The following CCDC191 variants were observed in gnomAD, a reference collection of about 807,000 sequenced individuals.
The protein encoded by CCDC191 is coiled-coil domain-containing protein 191.
In CCDC191, 99 loss-of-function variants were observed where a neutral mutation model predicts 114.0. That is an observed-to-expected ratio of 0.87 (90% CI 0.74 to 1.03). The LOEUF (loss-of-function observed/expected upper bound fraction) is 1.03, where lower values mean the gene tolerates loss of function less well. CCDC191 is among the 50% of genes least tolerant of loss of function. The pLI is 0.00. For synonymous variants in CCDC191, 351 were observed against 376.0 expected, an observed-to-expected ratio of 0.93 and a Z score of 0.77; for missense variants, 973 against 1,087.0, an observed-to-expected ratio of 0.90 and a Z score of 1.47.
At chr3:114,008,380 G>A (rs528466197) in intron 9 of CCDC191, among the ~76,000 whole-genome samples, 64 of 151,962 alleles carry the variant, frequency 4.2e-4, no homozygotes, top group African/African-American at 1.5e-3. Context: ...CCCTTGCTCA[G>A]AGAATAAGCT....
chr3:114,029,584 A>G (rs2076375534), intron 7 of CCDC191, among the ~76,000 whole-genome samples: 1 of 152,170 alleles, frequency 6.6e-6, no homozygotes, highest in Non-Finnish European at 1.5e-5. Flanking sequence ...GAGAAACAAA[A>G]TATTTTCATA....
At chr3:114,054,523 G>C (rs2076739704) in intron 1 of CCDC191, among the ~76,000 whole-genome samples, 1 of 152,150 alleles carries the variant, frequency 6.6e-6, no homozygotes, top group Admixed American at 6.5e-5. Flanking sequence ...TGTAGTCCCA[G>C]CTACTCAGGA....
At chr3:113,987,055 G>C (rs1199575699) in intron 13 of CCDC191, among the ~76,000 whole-genome samples, 1 of 150,258 alleles carries the variant, frequency 6.7e-6, no homozygotes, top group Non-Finnish European at 1.5e-5. Flanking sequence ...AGAAAGGTAA[G>C]AATTACAGTA....
intron 16 of CCDC191, among the ~76,000 whole-genome samples, chr3:113,976,249 A>G (rs1050058408): frequency 6.6e-6 from 1 of 151,856 alleles, no homozygotes; most frequent in Non-Finnish European, 1.5e-5. Context: ...ACAGAGTAAG[A>G]CTTTGTCTCA....
chr3:114,001,464 A>C, intron 13 of CCDC191, 131 bp downstream of exon 13: 2 of 1,289,260 alleles, frequency 1.6e-6, no homozygotes, highest in African/African-American at 3.0e-5. Context: ...TAAGTAAGAT[A>C]GAGAAAAGAA....
At chr3:113,991,255 CAAA>C (rs1317725206) in intron 13 of CCDC191, among the ~76,000 whole-genome samples, 7 of 130,876 alleles carry the variant, frequency 5.3e-5, no homozygotes, top group Non-Finnish European at 8.3e-5. Flanking sequence ...GAAAAACAAA[CAAA>C]CCCCCCCCCC....
chr3:113,995,037 G>A (rs1052469280), intron 13 of CCDC191, among the ~76,000 whole-genome samples: 2 of 152,196 alleles, frequency 1.3e-5, no homozygotes, highest in Non-Finnish European at 1.5e-5. Flanking sequence ...AAAAAGGACC[G>A]AGCTTTTGAC....
At position 114,024,628 on chromosome 3, in the gene CCDC191, C is replaced by T. The variant is rs184288409; in HGVS notation, c.973-5760G>A. Among the ~76,000 whole-genome samples, 48 of 151,612 alleles carry T rather than the reference C, an allele frequency of 3.2e-4. No homozygotes were observed. In the East Asian group the frequency reaches 9.3e-3, roughly 29 times the overall value. ...AAAAACCAAACACCGCATGTTCTCA[C>T]TCATAGATGGGAACTGAACAATGAG... On this transcript the variant is annotated intron_variant, in intron 7 of 16. Transcript: ENST00000295878.
At chr3:113,966,986 C>G (rs1260907832) in intron 16 of CCDC191, among the ~76,000 whole-genome samples, 1 of 152,002 alleles carries the variant, frequency 6.6e-6, no homozygotes, top group Non-Finnish European at 1.5e-5. Context: ...GTAATCCCAG[C>G]TACTTGGGAG....
At chr3:114,045,040 G>A (rs2076610582) in intron 3 of CCDC191, among the ~76,000 whole-genome samples, 2 of 152,124 alleles carry the variant, frequency 1.3e-5, no homozygotes, top group African/African-American at 4.8e-5. Flanking sequence ...AGTTTCTCAG[G>A]ATAATATACA....
At chr3:113,995,198 G>A (rs550444759) in intron 13 of CCDC191, among the ~76,000 whole-genome samples, 2 of 152,210 alleles carry the variant, frequency 1.3e-5, no homozygotes, top group South Asian at 4.1e-4. Flanking sequence ...GCTGGCGGAT[G>A]TCCCACTGGG....
Position 113,998,237 on chromosome 3 carries a change from C to G in CCDC191, c.2163+3358G>C, listed in dbSNP as rs1416123072. Among the ~76,000 whole-genome samples the G allele has an allele frequency of 4.4e-5, 6 of 137,620 alleles. No homozygotes were observed. The Admixed American group carries it at 4.9e-4, about 11-fold the overall frequency. 90.3% of individuals were successfully genotyped at this position (137,620 alleles called of 152,430 possible). Reference sequence around the variant, plus strand: ...AGGAGAATCACTTGAACCCGGGAGGCGGAAGTTGCAGTGAGCCGAGATCGC... The same window carrying G: ...AGGAGAATCACTTGAACCCGGGAGGGGGAAGTTGCAGTGAGCCGAGATCGC... On this transcript the variant is annotated intron_variant, in intron 13 of 16. Coordinates refer to ENST00000295878, the MANE Select transcript of CCDC191 (RefSeq NM_020817.2).
chr3:114,005,205 T>C (rs2075929426), intron 10 of CCDC191, among the ~76,000 whole-genome samples: 1 of 152,196 alleles, frequency 6.6e-6, no homozygotes, highest in Non-Finnish European at 1.5e-5. Flanking sequence ...TTCTCAGCAC[T>C]TAACATAGCT....
At chr3:114,046,379 G>T (rs975327019) in intron 3 of CCDC191, among the ~76,000 whole-genome samples, 1 of 152,124 alleles carries the variant, frequency 6.6e-6, no homozygotes, top group Admixed American at 6.5e-5. Flanking sequence ...ACTACCTCTG[G>T]ATGTGGTTCT....
chr3:114,035,960 C>T (rs140650225), intron 5 of CCDC191, among the ~76,000 whole-genome samples: 106 of 152,238 alleles, frequency 7.0e-4, no homozygotes, highest in African/African-American at 2.3e-3. Context: ...TTTTCAAATT[C>T]GGCAATCAGA....
At position 113,999,436 on chromosome 3, in the gene CCDC191, C is replaced by T. The variant is rs985503077; in HGVS notation, c.2163+2159G>A. ...AAGGGGAAACTGAACTACTACTCTA[C>T]ATGAAGGTAAGGAAGAATACATTTG... is the stretch of plus-strand genomic sequence containing the variant. On this transcript the variant is annotated intron_variant, in intron 13 of 16. Coordinates refer to ENST00000295878, the MANE Select transcript of CCDC191 (RefSeq NM_020817.2). 5.7e-4 allele frequency among the ~76,000 whole-genome samples: 87 copies of T among 152,282 alleles called. 1 individual carries two copies. The highest frequency in any genetic ancestry group is 2.0e-3 in the African/African-American group (84 of 41,550).
intron 7 of CCDC191, 34 bp from the exon 8 acceptor site, chr3:114,018,902 T>C (rs542484982): frequency 1.9e-6 from 3 of 1,597,260 alleles, no homozygotes; most frequent in African/African-American, 2.7e-5. Context: ...TCACCACCCA[T>C]CAGCGCTAGT....
chr3:113,985,359 G>T (rs1048510883), intron 13 of CCDC191, among the ~76,000 whole-genome samples: 1 of 152,160 alleles, frequency 6.6e-6, no homozygotes, highest in Non-Finnish European at 1.5e-5. Context: ...GGATTCAGGG[G>T]ATTCTGCCCA....
chr3:114,014,817 T>C (rs1018089329), intron 8 of CCDC191, among the ~76,000 whole-genome samples: 1 of 152,164 alleles, frequency 6.6e-6, no homozygotes, highest in African/African-American at 2.4e-5. Flanking sequence ...GTATTTATCT[T>C]ATGGTGTCTT....
Sources: allele counts gnomAD v4.1 joint callset (sites outside exome capture counted in the v4.1 genomes callset), GRCh38; gene constraint gnomAD v4.1.1; transcripts MANE v1.5; gene names NCBI Gene and HGNC (gene_info 2026-07-23, HGNC 2026-07-21).